Variants in AMBP observed in about 807,000 individuals in gnomAD.
AMBP encodes the protein protein AMBP.
A neutral mutation model predicts 46.3 loss-of-function variants in AMBP; 37 were observed. The observed-to-expected ratio is 0.80, with a 90% CI of 0.61 to 1.05. The LOEUF is 1.05. Ranked by LOEUF, AMBP falls within the 50% of genes least tolerant of loss-of-function variation. The pLI is 0.00. For synonymous variants in AMBP, 174 were observed against 175.9 expected (o/e 0.99, Z 0.09); for missense variants, 475 against 461.2 (o/e 1.03, Z -0.27).
intron 5 of AMBP, chr9:114,069,955 C>G: frequency 1.7e-6 from 1 of 577,712 alleles, no homozygotes; most frequent in South Asian, 2.2e-5. Flanking sequence ...CATCTATCCA[C>G]TCCACCCCAC....
rs181628191 is a variant in AMBP, at chr9:114,062,346, G to C, written c.685+331C>G. ...CCCTCCCCGACTTCCTCCTACAAGA[G>C]CCCTGATGTTTAGCCCCACAGGCTA... On this transcript the variant is annotated intron_variant, in intron 7 of 9. Transcript: ENST00000265132. Among the ~76,000 whole-genome samples the C allele has an allele frequency of 2.0e-5, 3 of 152,294 alleles. No homozygotes were observed. The East Asian group carries it at 5.8e-4, about 29-fold the overall frequency.
At chr9:114,069,613 C>A in intron 6 of AMBP, 86 bp downstream of exon 6, 2 of 1,336,008 alleles carry the variant, frequency 1.5e-6, no homozygotes, top group East Asian at 2.5e-5. Context: ...CTCTGCCTCC[C>A]CCCGCAGCAG....
chr9:114,062,728 C>T lies in AMBP; in HGVS notation c.634G>A (p.Glu212Lys), dbSNP rs770197156. 1.9e-6 allele frequency: 3 copies of T among 1,614,096 alleles called. No homozygotes were observed. Among genetic ancestry groups the T allele is most frequent in the East Asian group, 4.5e-5 (2 of 44,876 alleles). ...RVRRAVLPQEEEGSGGGQLVT... is the reference protein window; with the variant it reads ...RVRRAVLPQEKEGSGGGQLVT... ...AGTTGCCCACCCCCTGATCCTTCCT[C>T]TTCTTGGGGTAGCACAGCCCTCCGG... The change falls in exon 7 of 10, where the codon GAG becomes AAG. Residue 212 changes from glutamate (E) to lysine (K), a missense_variant. Glu to Lys is a moderately conservative substitution (Grantham distance 56). This residue lies in a region of AMBP where 293 missense variants were observed against 276.9 expected (regional missense o/e 1.06). Transcript: ENST00000265132.
At chr9:114,067,081 C>A (rs1385610462) in intron 6 of AMBP, among the ~76,000 whole-genome samples, 3 of 152,138 alleles carry the variant, frequency 2.0e-5, no homozygotes, top group Non-Finnish European at 4.4e-5. Flanking sequence ...GCTGGGACTA[C>A]AGGCCTCAGC....
In AMBP at chr9:114,061,129, G is replaced by C. The variant is rs770713313; in HGVS notation, c.854-31C>G. ...GAGTGGAGAGAGGCATGGAACTTGA[G>C]AAACCCTTGTGACTGCTGATCAGAC... On this transcript the variant is annotated intron_variant, in intron 8 of 9. Transcript: ENST00000265132. 3.1e-6 allele frequency: 5 copies of C among 1,609,626 alleles called. No homozygotes were observed. The Admixed American group carries it at 8.4e-5, about 27-fold the overall frequency.
Position 114,076,760 on chromosome 9 carries a change from TG to T in AMBP, c.118-21del, listed in dbSNP as rs780452547. The T allele has an allele frequency of 8.9e-5, 143 of 1,612,736 alleles. No homozygotes were observed. The highest frequency in any genetic ancestry group is 1.2e-4 in the Non-Finnish European group (138 of 1,179,282). ...ATAGATCTAGGAGGCAGGTGAGCTC[TG>T]GGGGTCTGCATCAGTCTCAGACCTC... On this transcript the variant is annotated intron_variant, in intron 1 of 9. Coordinates refer to ENST00000265132, the MANE Select transcript of AMBP (RefSeq NM_001633.4).
Position 114,060,315 on chromosome 9 carries a change from A to ACTC in AMBP, c.1028-48_1028-46dup, listed in dbSNP as rs113004896. ...CAGGGAGGGGTCCGTAGGCAGGGAC[A>ACTC]CTCAGGGAAGGGAAAGCAGCTGTCG... On this transcript the variant is annotated intron_variant, in intron 9 of 9. Transcript: ENST00000265132. 3,047 of 1,608,084 alleles carry ACTC rather than the reference A, an allele frequency of 1.9e-3. 60 individuals carry two copies. The African/African-American group carries it at 0.037, about 19-fold the overall frequency.
intron 2 of AMBP, 120 bp downstream of exon 2, chr9:114,076,478 G>C: frequency 7.1e-7 from 1 of 1,415,284 alleles, no homozygotes; most frequent in Non-Finnish European, 9.5e-7. Context: ...AGGGATCTGG[G>C]GTTCAGCGGG....
At chr9:114,076,951 A>C (rs941940736) in intron 1 of AMBP, among the ~76,000 whole-genome samples, 3 of 152,170 alleles carry the variant, frequency 2.0e-5, no homozygotes, top group African/African-American at 7.2e-5. Flanking sequence ...TTCAGGCATC[A>C]CAGCGAACCC....
At chr9:114,067,531 CAGGAATG>C (rs1284617159) in intron 6 of AMBP, among the ~76,000 whole-genome samples, 1 of 152,184 alleles carries the variant, frequency 6.6e-6, no homozygotes, top group East Asian at 1.9e-4. Flanking sequence ...GCTGAGATTA[CAGGAATG>C]AGCCACTGCA....
At position 114,074,901 on chromosome 9, in the gene AMBP, A is replaced by C. The variant is rs1460813551; in HGVS notation, c.337+59T>G. On this transcript the variant is annotated intron_variant, in intron 3 of 9. Transcript: ENST00000265132. ...GTTACAGAGGCAGAGGGAGCTGAGG[A>C]CATCAAGGTATTTTCAAGCAAAGGA... 12 of 1,447,796 alleles carry C rather than the reference A, an allele frequency of 8.3e-6. No homozygotes were observed. In the East Asian group the frequency reaches 2.7e-4, roughly 33 times the overall value. 89.7% of individuals were successfully genotyped at this position (1,447,796 alleles called of 1,614,324 possible). A position where few individuals can be genotyped will look rare whatever the true frequency, so the allele number is the denominator to read the frequency against.
chr9:114,069,117 TTAG>T (rs1285617982), intron 6 of AMBP, among the ~76,000 whole-genome samples: 1 of 151,920 alleles, frequency 6.6e-6, no homozygotes, highest in Non-Finnish European at 1.5e-5. Context: ...CATACATACA[TTAG>T]TAGAATAGGA....
intron 4 of AMBP, 101 bp from the exon 5 acceptor site, chr9:114,073,127 G>T: frequency 1.0e-6 from 1 of 979,286 alleles, no homozygotes; most frequent in Non-Finnish European, 1.5e-6. Context: ...GGGAAAATTT[G>T]AAAACTATTG....
rs1165490848 is a variant in AMBP, at chr9:114,062,710, C to T, written c.652G>A (p.Gly218Arg). The T allele has an allele frequency of 1.2e-6, 2 of 1,613,878 alleles. No individual in the cohort carries two copies. The highest frequency in any genetic ancestry group is 2.2e-5 in the South Asian group (2 of 91,074). The stretch of plus-strand genomic sequence containing the variant: ...TTGGTGACTTCAGTTACCAGTTGCC[C>T]ACCCCCTGATCCTTCCTCTTCTTGG... ...LPQEEEGSGGGQLVTEVTKKE... is the reference protein window; with the variant it reads ...LPQEEEGSGGRQLVTEVTKKE... The change falls in exon 7 of 10, where the codon GGG becomes AGG. Residue 218 changes from glycine to arginine, a missense_variant. Gly to Arg is a moderately radical substitution (Grantham distance 125). Coordinates refer to ENST00000265132, the MANE Select transcript of AMBP (RefSeq NM_001633.4).
At chr9:114,076,308 C>T (rs1846805991) in intron 2 of AMBP, among the ~76,000 whole-genome samples, 1 of 151,816 alleles carries the variant, frequency 6.6e-6, no homozygotes, top group Non-Finnish European at 1.5e-5. Context: ...GAGAGGAGCC[C>T]AGTTCCCAGG....
At chr9:114,065,638 C>T (rs987445985) in intron 6 of AMBP, among the ~76,000 whole-genome samples, 2 of 151,796 alleles carry the variant, frequency 1.3e-5, no homozygotes, top group African/African-American at 4.8e-5. Flanking sequence ...TTACCCCACC[C>T]CCACCCCCAC....
Position 114,060,160 on chromosome 9 carries a change from C to T in AMBP, c.*79G>A. 1.4e-6 allele frequency: 2 copies of T among 1,469,686 alleles called. No individual in the cohort carries two copies. The highest frequency in any genetic ancestry group is 2.6e-5 in the South Asian group (2 of 78,210). The allele number at this position is 1,469,686 out of a possible 1,614,324, so 91.0% of individuals were successfully genotyped here. On this transcript the variant is annotated 3_prime_UTR_variant, in exon 10 of 10. Coordinates refer to ENST00000265132, the MANE Select transcript of AMBP (RefSeq NM_001633.4). ...GTTTACAATTTAGTTTTTATTTGGA[C>T]CCAGGTTGCTTGGCGCTGCCTGCCA...
At position 114,061,049 on chromosome 9, in the gene AMBP, C is replaced by T. The variant is rs749944724; in HGVS notation, c.903G>A (p.Gln301=). The change falls in exon 9 of 10, where the codon CAG becomes CAA. Residue 301 remains glutamine, a synonymous_variant. Transcript: ENST00000265132. ...CCTTGACAGCATCAAATGCCCAGAG[C>T]TGGATGAAGGCTCGGCAGGGGCCCC... is the stretch of plus-strand genomic sequence containing the variant. ...IVRGPCRAFI[Q]LWAFDAVKGK... is the part of the protein sequence containing the mutation. The T allele has an allele frequency of 6.2e-7, 1 of 1,614,234 alleles. No individual in the cohort carries two copies. Among genetic ancestry groups the T allele is most frequent in the Non-Finnish European group, 8.5e-7 (1 of 1,180,038 alleles).
intron 6 of AMBP, 42 bp downstream of exon 6, chr9:114,069,657 G>C: frequency 6.4e-7 from 1 of 1,568,220 alleles, no homozygotes; most frequent in South Asian, 1.2e-5. Flanking sequence ...GGCAGAGTGG[G>C]GTGGGATGGG....
Sources: allele counts gnomAD v4.1 joint callset (sites outside exome capture counted in the v4.1 genomes callset), GRCh38; gene constraint gnomAD v4.1.1; regional missense constraint gnomAD v4.1.1; transcripts MANE v1.5; gene names NCBI Gene and HGNC (gene_info 2026-07-23, HGNC 2026-07-21).